The following CWC27 variants were observed in gnomAD, a reference collection of about 807,000 sequenced individuals.
CWC27 encodes CWC27 spliceosome associated cyclophilin.
In CWC27, 47 loss-of-function variants were observed where a neutral mutation model predicts 63.6. That is an observed-to-expected ratio of 0.74 (90% CI 0.58 to 0.94). The LOEUF (loss-of-function observed/expected upper bound fraction) is 0.94, where lower values mean the gene tolerates loss of function less well. Among genes scored for constraint, CWC27 ranks in the 40% least tolerant of loss-of-function variants. The probability of loss-of-function intolerance (pLI) is 0.00; values close to 1 mark genes in which losing one functional copy is unlikely to be tolerated. For missense variants in CWC27, 495 were observed against 554.3 expected (o/e 0.89, Z 1.07); for synonymous variants, 175 against 179.8 (o/e 0.97, Z 0.22).
rs888675563 is a variant in CWC27 at position 64,975,999 on chromosome 5, C to A, written c.1153-1136C>A. Among the ~76,000 whole-genome samples the A allele has an allele frequency of 2.0e-5, 3 of 151,998 alleles. No individual in the cohort carries two copies. The South Asian group carries it at 6.2e-4, about 32-fold the overall frequency. On this transcript the variant is annotated intron_variant, in intron 12 of 13. Transcript: ENST00000381070. ...AGGAGAATCGCTTGAACCTGGGAGG[C>A]GGAGGTTGCAGTGAGCCAAGATCGC...
chr5:64,826,702 TG>T (rs1485165964), intron 10 of CWC27, among the ~76,000 whole-genome samples: 55 of 76,886 alleles, frequency 7.2e-4, no homozygotes, highest in African/African-American at 2.1e-3. Flanking sequence ...GGTGTTTTTT[TG>T]TTTTTTTTTT....
chr5:64,915,318 GA>G (rs1747869163), intron 11 of CWC27, among the ~76,000 whole-genome samples: 1 of 152,078 alleles, frequency 6.6e-6, no homozygotes, highest in African/African-American at 2.4e-5. Context: ...AAATTATATA[GA>G]AAATAATGTT....
chr5:64,879,218 G>A (rs1048098065), intron 10 of CWC27, among the ~76,000 whole-genome samples: 7 of 151,988 alleles, frequency 4.6e-5, no homozygotes, highest in East Asian at 3.8e-4. Context: ...GTTGGTGTTC[G>A]TTGAGGAGCT....
At chr5:64,781,355 A>G (rs1743681528) in intron 2 of CWC27, among the ~76,000 whole-genome samples, 1 of 152,162 alleles carries the variant, frequency 6.6e-6, no homozygotes. Flanking sequence ...CTAATAAGTA[A>G]TTTTGATATA....
At chr5:64,964,040 A>T (rs1216537756) in intron 11 of CWC27, among the ~76,000 whole-genome samples, 1 of 152,252 alleles carries the variant, frequency 6.6e-6, no homozygotes, top group African/African-American at 2.4e-5. Flanking sequence ...TGTCTACATT[A>T]TAAACCTATT....
intron 12 of CWC27, among the ~76,000 whole-genome samples, chr5:64,973,892 T>C (rs1307879416): frequency 6.6e-6 from 1 of 152,080 alleles, no homozygotes; most frequent in Non-Finnish European, 1.5e-5. Flanking sequence ...TTCATTTTTC[T>C]TTGTGCTTTT....
chr5:64,895,023 A>G (rs1023990601), intron 11 of CWC27, among the ~76,000 whole-genome samples: 3 of 152,190 alleles, frequency 2.0e-5, no homozygotes, highest in Non-Finnish European at 4.4e-5. Flanking sequence ...ATCATGGCAC[A>G]AAATATTTGG....
intron 11 of CWC27, among the ~76,000 whole-genome samples, chr5:64,930,341 A>G (rs1268206231): frequency 1.3e-5 from 2 of 152,116 alleles, no homozygotes. Context: ...ATTATACTAA[A>G]AATCATTGAA....
chr5:64,842,604 T>A (rs2112283313), intron 10 of CWC27, among the ~76,000 whole-genome samples: 2 of 140,730 alleles, frequency 1.4e-5, no homozygotes. Flanking sequence ...TCCCAGCCTA[T>A]TTTTTTTTTT....
At chr5:64,842,210 A>G (rs936355764) in intron 10 of CWC27, among the ~76,000 whole-genome samples, 13 of 152,180 alleles carry the variant, frequency 8.5e-5, no homozygotes, top group Non-Finnish European at 1.8e-4. Context: ...TCCTATACAG[A>G]AAGTTTGCTT....
chr5:64,888,085 G>A (rs542112408), intron 11 of CWC27, among the ~76,000 whole-genome samples: 2 of 151,972 alleles, frequency 1.3e-5, no homozygotes, highest in African/African-American at 4.8e-5. Context: ...CCTCAAAGAA[G>A]TGGTTGATTG....
At chr5:64,808,313 A>G in intron 10 of CWC27, 1 of 988,922 alleles carries the variant, frequency 1.0e-6, no homozygotes, top group Non-Finnish European at 1.2e-6. Context: ...TTCCAAGGTC[A>G]GCAAGTTGTC....
At chr5:64,813,213 C>T (rs150318724) in intron 10 of CWC27, among the ~76,000 whole-genome samples, 3 of 152,216 alleles carry the variant, frequency 2.0e-5, no homozygotes, top group African/African-American at 7.2e-5. Context: ...CTATATTTAG[C>T]ATTTCTGGCA....
chr5:64,826,076 A>AATCTATCTGTCTATCT (rs1554070972), intron 10 of CWC27, among the ~76,000 whole-genome samples: 9,191 of 148,398 alleles, frequency 0.062, 316 homozygotes, highest in East Asian at 0.08. Flanking sequence ...CTTTGTAATA[A>AATCTATCTGTCTATCT]ATCTATCTAT....
chr5:64,800,416 C>A, intron 8 of CWC27, 89 bp downstream of exon 8: 1 of 872,428 alleles, frequency 1.1e-6, no homozygotes, highest in Non-Finnish European at 1.7e-6. Context: ...AGTCAGTCCT[C>A]ATAAGTCAAA....
chr5:64,924,125 A>G (rs1468068517), intron 11 of CWC27, among the ~76,000 whole-genome samples: 1 of 152,170 alleles, frequency 6.6e-6, no homozygotes, highest in Non-Finnish European at 1.5e-5. Context: ...TCCCTATTCC[A>G]GTTAGTCTTA....
At chr5:65,001,081 C>A (rs917214475) in intron 13 of CWC27, among the ~76,000 whole-genome samples, 2 of 151,654 alleles carry the variant, frequency 1.3e-5, no homozygotes, top group African/African-American at 4.8e-5. Flanking sequence ...GTGTGTGTCG[C>A]TACTGTGAAT....
At chr5:64,941,946 A>C (rs980758940) in intron 11 of CWC27, among the ~76,000 whole-genome samples, 11 of 152,106 alleles carry the variant, frequency 7.2e-5, no homozygotes, top group African/African-American at 2.6e-4. Flanking sequence ...AATAATGTAC[A>C]AAAATCACCA....
chr5:64,966,867 A>G (rs1430666535), intron 11 of CWC27, among the ~76,000 whole-genome samples: 4 of 151,562 alleles, frequency 2.6e-5, no homozygotes, highest in African/African-American at 7.3e-5. Flanking sequence ...TTGTGTTGAA[A>G]TTTTTCCATA....
Sources: allele counts gnomAD v4.1 joint callset (sites outside exome capture counted in the v4.1 genomes callset), GRCh38; gene constraint gnomAD v4.1.1; transcripts MANE v1.5; gene names NCBI Gene and HGNC (gene_info 2026-07-23, HGNC 2026-07-21).